The following SPECC1L variants were observed in gnomAD, a reference collection of about 807,000 sequenced individuals.
SPECC1L encodes cytospin-A.
Under a neutral mutation model 116.8 loss-of-function variants are expected in SPECC1L, and 40 were observed. The observed-to-expected ratio is 0.34, with a 90% CI of 0.27 to 0.45. The LOEUF (loss-of-function observed/expected upper bound fraction) is 0.45. Among genes scored for constraint, SPECC1L ranks in the 20% least tolerant of loss-of-function variants. The pLI is 1.00. For missense variants in SPECC1L, 1,110 were observed against 1,373.6 expected, an observed-to-expected ratio of 0.81 and a Z score of 3.03; for synonymous variants, 504 against 500.6, an observed-to-expected ratio of 1.01 and a Z score of -0.09.
In SPECC1L at chr22:24,374,701, C is replaced by A. The variant is rs573845973; in HGVS notation, c.3087+5381C>A. 4.0e-5 allele frequency among the ~76,000 whole-genome samples: 6 copies of A among 150,954 alleles called. No homozygotes were observed. In the South Asian group the frequency reaches 1.1e-3, roughly 27 times the overall value. ...ATGACGAGTTGATGGGTGCAGCACA[C>A]CAACATGGCACATGTATACATATGT... On this transcript the variant is annotated intron_variant, in intron 14 of 16. Coordinates refer to ENST00000314328, the MANE Select transcript of SPECC1L (RefSeq NM_015330.6).
intron 6 of SPECC1L, among the ~76,000 whole-genome samples, chr22:24,327,296 A>AC (rs2040844973): frequency 6.7e-6 from 1 of 149,958 alleles, no homozygotes; most frequent in Non-Finnish European, 1.5e-5. Context: ...AAAAAAAAAA[A>AC]AAAAAACATC....
chr22:24,321,833 T>A lies in SPECC1L; in HGVS notation c.853T>A (p.Ser285Thr), dbSNP rs747928591. Residue 285 changes from serine (S) to threonine (T), a missense_variant, in exon 5 of 17, where the codon TCT (serine) becomes ACT (threonine). Ser to Thr is a moderately conservative substitution (Grantham distance 58). Transcript: ENST00000314328. ...TTCCCTAGAGCAGAGGTTAGACAAT[T>A]CTGAAAAACTGTTTGGCTATCAGTC... is the stretch of plus-strand genomic sequence containing the variant. ...GFSLEQRLDN[S>T]EKLFGYQSLS... 1 of 1,614,202 alleles carries A rather than the reference T, an allele frequency of 6.2e-7. No individual in the cohort carries two copies. Among genetic ancestry groups the A allele is most frequent in the Non-Finnish European group, 8.5e-7 (1 of 1,180,038 alleles).
At chr22:24,366,810 T>C (rs2041776560) in intron 13 of SPECC1L, among the ~76,000 whole-genome samples, 1 of 152,000 alleles carries the variant, frequency 6.6e-6, no homozygotes, top group African/African-American at 2.4e-5. Flanking sequence ...GACTAAGAGG[T>C]ATTAAGAACT....
At chr22:24,317,149 T>A (rs2058699297) in intron 4 of SPECC1L, among the ~76,000 whole-genome samples, 1 of 79,690 alleles carries the variant, frequency 1.3e-5, no homozygotes. Flanking sequence ...CCCCCCTACC[T>A]CCCTCCCGGA....
At chr22:24,280,577 ATTT>A (rs34634285) in intron 2 of SPECC1L, among the ~76,000 whole-genome samples, 3 of 128,818 alleles carry the variant, frequency 2.3e-5, no homozygotes, top group African/African-American at 2.9e-5. Context: ...TTTCAATAAC[ATTT>A]TTTTTTTTTT....
At chr22:24,384,382 T>C (rs1381097922) in intron 14 of SPECC1L, among the ~76,000 whole-genome samples, 1 of 151,972 alleles carries the variant, frequency 6.6e-6, no homozygotes, top group East Asian at 1.9e-4. Flanking sequence ...AATAATCCCA[T>C]AGGGAAACAA....
At position 24,414,999 on chromosome 22, in the gene SPECC1L, A is replaced by G. The variant is rs148813764; in HGVS notation, c.*376A>G. ...GATTCAGTTCTGTGGGAAACTCACT[A>G]GGGTTGATGAAGGCTCGGCCGCGGC... On this transcript the variant is annotated 3_prime_UTR_variant, in exon 17 of 17. Transcript: ENST00000314328. 1.0e-3 allele frequency: 287 copies of G among 284,264 alleles called. 1 individual carries two copies. Among genetic ancestry groups the G allele is most frequent in the African/African-American group, 5.4e-3 (251 of 46,276 alleles). The allele number at this position is 284,264 out of a possible 1,614,324, so 17.6% of individuals were successfully genotyped here.
chr22:24,355,637 G>A (rs942219770), intron 11 of SPECC1L, among the ~76,000 whole-genome samples: 19 of 151,968 alleles, frequency 1.3e-4, no homozygotes, highest in Admixed American at 2.0e-4. Flanking sequence ...GAGAAACTTG[G>A]CTCTCATTAT....
intron 1 of SPECC1L, among the ~76,000 whole-genome samples, chr22:24,271,335 G>A (rs1365409483): frequency 6.6e-6 from 1 of 152,232 alleles, no homozygotes; most frequent in East Asian, 1.9e-4. Flanking sequence ...CCGCCGCTCC[G>A]GGAGAGGCTG....
chr22:24,380,799 T>C (rs567501885), intron 14 of SPECC1L, among the ~76,000 whole-genome samples: 5 of 152,322 alleles, frequency 3.3e-5, no homozygotes, highest in African/African-American at 1.2e-4. Flanking sequence ...CAAGGCTGTT[T>C]TGTGAGTCCA....
intron 2 of SPECC1L, among the ~76,000 whole-genome samples, chr22:24,296,676 G>A (rs151315572): frequency 0.022 from 3,315 of 151,874 alleles, 5 homozygotes; most frequent in African/African-American, 0.077. Context: ...GCCTGGGGGG[G>A]CTCTAGAGGG....
chr22:24,375,650 G>A (rs987266057), intron 14 of SPECC1L, among the ~76,000 whole-genome samples: 1 of 152,106 alleles, frequency 6.6e-6, no homozygotes, highest in African/African-American at 2.4e-5. Context: ...TCTAATAAAG[G>A]GTACCTATGA....
In SPECC1L at chr22:24,313,404, C is replaced by T. The variant is rs1391152273; in HGVS notation, c.245C>T (p.Ala82Val). ...VKGKKSTCPS[A>V]APSASAPAMT... ...GGAAAGAAAAGCACCTGCCCATCTG[C>T]AGCACCTTCAGCATCTGCCCCTGCC... Residue 82 changes from alanine (A) to valine (V), a missense_variant, in exon 4 of 17, where the codon GCA (alanine) becomes GTA (valine). Ala to Val is a moderately conservative substitution (Grantham distance 64, BLOSUM62 0). Coordinates refer to ENST00000314328, the MANE Select transcript of SPECC1L (RefSeq NM_015330.6). 1 of 1,614,198 alleles carries T rather than the reference C, an allele frequency of 6.2e-7. No homozygotes were observed. The highest frequency in any genetic ancestry group is 8.5e-7 in the Non-Finnish European group (1 of 1,180,046).
rs200111946 is a variant in SPECC1L at position 24,302,230 on chromosome 22, G to A, written c.-2G>A. On this transcript the variant is annotated 5_prime_UTR_variant, in exon 3 of 17. Coordinates refer to ENST00000314328, the MANE Select transcript of SPECC1L (RefSeq NM_015330.6). ...AAATGCATCACGAAGAGGCAGCCCA[G>A]AATGAAGAAAGCAAGCAGGAGTGTT... 6.2e-7 allele frequency: 1 copy of A among 1,613,916 alleles called. No homozygotes were observed. The highest frequency in any genetic ancestry group is 1.3e-5 in the African/African-American group (1 of 74,888).
intron 2 of SPECC1L, among the ~76,000 whole-genome samples, chr22:24,284,423 C>G (rs1168844957): frequency 6.6e-6 from 1 of 151,810 alleles, no homozygotes; most frequent in African/African-American, 2.4e-5. Context: ...AATAGAGAAT[C>G]TTTTATTTTA....
intron 12 of SPECC1L, among the ~76,000 whole-genome samples, chr22:24,364,202 C>G (rs1247836318): frequency 1.3e-5 from 2 of 152,134 alleles, no homozygotes; most frequent in Admixed American, 6.5e-5. Context: ...GGCTAAAGTG[C>G]CTACTCCCAC....
intron 14 of SPECC1L, among the ~76,000 whole-genome samples, chr22:24,410,475 C>T (rs914855465): frequency 1.3e-5 from 2 of 152,250 alleles, no homozygotes; most frequent in African/African-American, 4.8e-5. Flanking sequence ...GTTGAGGCTA[C>T]AGCCTGCAGG....
chr22:24,301,203 T>C (rs772174951), intron 2 of SPECC1L, among the ~76,000 whole-genome samples: 2 of 152,194 alleles, frequency 1.3e-5, no homozygotes, highest in Non-Finnish European at 2.9e-5. Flanking sequence ...GGAGAAACTT[T>C]TGCAATCTCC....
chr22:24,317,658 G>T (rs2040621419), intron 4 of SPECC1L, among the ~76,000 whole-genome samples: 1 of 151,936 alleles, frequency 6.6e-6, no homozygotes, highest in Non-Finnish European at 1.5e-5. Flanking sequence ...CCAGGCGGGG[G>T]GCTGACCCCC....
Sources: allele counts gnomAD v4.1 joint callset (sites outside exome capture counted in the v4.1 genomes callset), GRCh38; gene constraint gnomAD v4.1.1; transcripts MANE v1.5; gene names NCBI Gene and HGNC (gene_info 2026-07-23, HGNC 2026-07-21).